Variants in KIF16B observed in about 807,000 individuals in gnomAD.
KIF16B encodes kinesin family member 16B.
KIF16B carries 98 observed loss-of-function variants against 156.3 expected under a neutral mutation model. The ratio of observed to expected loss-of-function variants is 0.63; its 90% CI spans 0.53 to 0.74. The LOEUF (loss-of-function observed/expected upper bound fraction) is 0.74, where lower values mean the gene tolerates loss of function less well. KIF16B is among the 30% of genes least tolerant of loss of function. KIF16B has a pLI of 0.00. For synonymous variants in KIF16B, 564 were observed against 583.7 expected (o/e 0.97, Z 0.49); for missense variants, 1,421 against 1,606.5 (o/e 0.88, Z 1.97).
At chr20:16,519,193 G>T (rs547809820) in intron 3 of KIF16B, among the ~76,000 whole-genome samples, 1 of 152,268 alleles carries the variant, frequency 6.6e-6, no homozygotes, top group East Asian at 1.9e-4. Flanking sequence ...ACCAACATCA[G>T]TTTATCTTTC....
chr20:16,337,363 C>T (rs1490562068), intron 23 of KIF16B, among the ~76,000 whole-genome samples: 5 of 152,072 alleles, frequency 3.3e-5, no homozygotes, highest in Non-Finnish European at 7.4e-5. Context: ...GAGTCTGAGT[C>T]CCAGCCATTC....
chr20:16,548,849 G>T (rs980710992), intron 1 of KIF16B, among the ~76,000 whole-genome samples: 1 of 152,136 alleles, frequency 6.6e-6, no homozygotes, highest in African/African-American at 2.4e-5. Context: ...GAGATGCAAG[G>T]CTGCTTGTGG....
At chr20:16,385,089 C>T (rs923889770) in intron 17 of KIF16B, among the ~76,000 whole-genome samples, 9 of 151,272 alleles carry the variant, frequency 5.9e-5, no homozygotes, top group Admixed American at 3.3e-4. Flanking sequence ...CCCAGCTACT[C>T]GGGAGGCTGA....
At chr20:16,406,801 A>G (rs990481661) in intron 15 of KIF16B, among the ~76,000 whole-genome samples, 2 of 152,180 alleles carry the variant, frequency 1.3e-5, no homozygotes, top group Non-Finnish European at 2.9e-5. Flanking sequence ...TTCTCCAAAG[A>G]GATATAATAT....
intron 6 of KIF16B, among the ~76,000 whole-genome samples, chr20:16,509,595 A>G (rs180984307): frequency 6.6e-6 from 1 of 152,344 alleles, no homozygotes; most frequent in African/African-American, 2.4e-5. Flanking sequence ...CTGCATTTAA[A>G]AATCATCTGT....
intron 15 of KIF16B, among the ~76,000 whole-genome samples, chr20:16,412,187 T>G (rs1303636581): frequency 6.6e-6 from 1 of 151,860 alleles, no homozygotes; most frequent in South Asian, 2.1e-4. Flanking sequence ...GGGCCAACAA[T>G]GCAGAATGCT....
At chr20:16,404,215 C>T (rs1039954891) in intron 17 of KIF16B, among the ~76,000 whole-genome samples, 32 of 152,264 alleles carry the variant, frequency 2.1e-4, no homozygotes, top group African/African-American at 7.7e-4. Flanking sequence ...GAACCTCTCA[C>T]AACCGAAAAG....
At chr20:16,522,969 C>T (rs534181744) in intron 3 of KIF16B, among the ~76,000 whole-genome samples, 64 of 152,122 alleles carry the variant, frequency 4.2e-4, no homozygotes, top group Middle Eastern at 3.4e-3. Flanking sequence ...AAAAGGCCTT[C>T]GAAAAAACTC....
intron 12 of KIF16B, among the ~76,000 whole-genome samples, chr20:16,449,438 C>G (rs1168629261): frequency 6.6e-6 from 1 of 152,162 alleles, no homozygotes; most frequent in Non-Finnish European, 1.5e-5. Flanking sequence ...GGGAAAAGAT[C>G]AAGAGCAAAA....
chr20:16,381,510 A>T (rs546240476), intron 18 of KIF16B, among the ~76,000 whole-genome samples, 184 bp downstream of exon 18: 18 of 148,832 alleles, frequency 1.2e-4, no homozygotes, highest in Admixed American at 5.4e-4. Flanking sequence ...TTTAAACTTG[A>T]AGAAAAACCA....
intron 12 of KIF16B, among the ~76,000 whole-genome samples, chr20:16,463,688 T>C (rs912100998): frequency 1.3e-5 from 2 of 152,174 alleles, no homozygotes; most frequent in African/African-American, 2.4e-5. Flanking sequence ...AGTCTTCTGA[T>C]AGGTCCAGGT....
intron 1 of KIF16B, among the ~76,000 whole-genome samples, chr20:16,544,620 A>C (rs920571860): frequency 6.6e-6 from 1 of 151,120 alleles, no homozygotes; most frequent in Non-Finnish European, 1.5e-5. Flanking sequence ...AAAAAAAAAA[A>C]AAAAAAAAAA....
At chr20:16,310,053 CTT>C (rs1435907928) in intron 25 of KIF16B, among the ~76,000 whole-genome samples, 1 of 152,208 alleles carries the variant, frequency 6.6e-6, no homozygotes, top group African/African-American at 2.4e-5. Flanking sequence ...CTCAGATTAA[CTT>C]TCTATTAAAG....
chr20:16,390,534 G>A (rs2146158087), intron 17 of KIF16B, among the ~76,000 whole-genome samples: 1 of 151,926 alleles, frequency 6.6e-6, no homozygotes, highest in East Asian at 1.9e-4. Flanking sequence ...GAAGAATGAG[G>A]CCCATAGAGT....
intron 17 of KIF16B, among the ~76,000 whole-genome samples, chr20:16,397,322 C>T (rs2065531711): frequency 6.6e-6 from 1 of 152,234 alleles, no homozygotes; most frequent in Non-Finnish European, 1.5e-5. Context: ...AATTCTCTGG[C>T]ACCAAGTATC....
intron 24 of KIF16B, among the ~76,000 whole-genome samples, chr20:16,333,814 T>C (rs1456664978): frequency 1.3e-5 from 2 of 152,222 alleles, no homozygotes; most frequent in Non-Finnish European, 2.9e-5. Context: ...ATGTATCAAC[T>C]AGAATGCCAC....
chr20:16,504,274 C>G (rs779758271), intron 10 of KIF16B, 98 bp downstream of exon 10: 9 of 1,238,332 alleles, frequency 7.3e-6, no homozygotes, highest in Non-Finnish European at 9.2e-6. Context: ...CTTATTTACT[C>G]AAATCAATAG....
intron 20 of KIF16B, among the ~76,000 whole-genome samples, chr20:16,372,884 G>C (rs1157723715): frequency 6.6e-6 from 1 of 152,192 alleles, no homozygotes; most frequent in Non-Finnish European, 1.5e-5. Context: ...TTTTAGTAGA[G>C]ACAGGGTTTC....
At chr20:16,457,544 T>G (rs1480617336) in intron 12 of KIF16B, among the ~76,000 whole-genome samples, 1 of 152,146 alleles carries the variant, frequency 6.6e-6, no homozygotes, top group East Asian at 1.9e-4. Flanking sequence ...ATCCAGCTGT[T>G]TCAGGTCTTC....
Sources: gnomAD v4.1 joint callset for allele counts (sites outside exome capture counted in the v4.1 genomes callset) on GRCh38, gnomAD v4.1.1 for gene constraint, MANE v1.5 for transcripts, NCBI Gene and HGNC (gene_info 2026-07-23, HGNC 2026-07-21) for gene names.